Variants in SLC16A7 observed in about 807,000 individuals in gnomAD.
The protein encoded by SLC16A7 is solute carrier family 16 member 7, also known as monocarboxylate transporter 2.
Under a neutral mutation model 34.9 loss-of-function variants are expected in SLC16A7, and 33 were observed. That is an observed-to-expected ratio of 0.94 (90% confidence interval 0.72 to 1.26). SLC16A7 has a LOEUF of 1.26. SLC16A7 is among the 50% of genes most tolerant of loss of function. SLC16A7 has a pLI of 0.00. For synonymous variants in SLC16A7, 201 were observed against 206.6 expected (o/e 0.97, Z 0.23); for missense variants, 573 against 578.1 (o/e 0.99, Z 0.09).
At chr12:59,613,423 G>T (rs1879291923) in intron 1 of SLC16A7, among the ~76,000 whole-genome samples, 1 of 152,072 alleles carries the variant, frequency 6.6e-6, no homozygotes, top group East Asian at 1.9e-4. Flanking sequence ...ACCTCCCAAG[G>T]GCTCCATCTC....
intron 3 of SLC16A7, among the ~76,000 whole-genome samples, chr12:59,744,441 C>T (rs1878668743): frequency 2.6e-5 from 4 of 152,136 alleles, no homozygotes; most frequent in African/African-American, 4.8e-5. Context: ...AGCTTATCTT[C>T]CAGTTCCATT....
Position 59,787,131 on chromosome 12 carries a change from C to A in SLC16A7, c.*7452C>A, listed in dbSNP as rs546247357. 6.6e-6 allele frequency: 1 copy of A among 152,092 alleles called. No individual in the cohort carries two copies. Among genetic ancestry groups the A allele is most frequent in the East Asian group, 1.9e-4 (1 of 5,180 alleles). The allele number at this position is 152,092 out of a possible 1,614,324, so 9.4% of individuals were successfully genotyped here. On this transcript the variant is annotated 3_prime_UTR_variant, in exon 6 of 6. Coordinates refer to ENST00000547379, the MANE Select transcript of SLC16A7 (RefSeq NM_001270623.2). ...AAACATGTCAATATCTCATTAATTC[C>A]TTTTTTATTTTATGTTCCTTTTTAT... is the stretch of plus-strand genomic sequence containing the variant.
chr12:59,779,482 G>T lies in SLC16A7; in HGVS notation c.1240G>T (p.Val414Leu), dbSNP rs780021906. The T allele has an allele frequency of 2.5e-6, 4 of 1,611,258 alleles. No individual in the cohort carries two copies. ...CATGTACATGTCCTGTGGGGCTATT[G>T]TGGTAGCAGCAAGCGTGTGGCTGCT... is the stretch of plus-strand genomic sequence containing the variant. ...KYMYMSCGAIVVAASVWLLIG... is the reference protein window; with the variant it reads ...KYMYMSCGAILVAASVWLLIG... Residue 414 changes from valine to leucine, a missense_variant, in exon 6 of 6, where the codon GTG becomes TTG. Physicochemically the swap from Val to Leu is conservative, Grantham distance 32. Transcript: ENST00000547379.
rs142402708 is a variant in SLC16A7 at position 59,681,287 on chromosome 12, T to C, written c.-30-23485T>C. Among the ~76,000 whole-genome samples the C allele has an allele frequency of 3.9e-5, 6 of 152,346 alleles. 1 individual carries two copies. Among genetic ancestry groups the C allele is most frequent in the African/African-American group, 1.2e-4 (5 of 41,574 alleles). Reference sequence around the variant, plus strand: ...ACCATGTCATCCATCTTGTTTATTGTTTTACTCCCTCCTGGGCATCCATGC... The same window carrying C: ...ACCATGTCATCCATCTTGTTTATTGCTTTACTCCCTCCTGGGCATCCATGC... On this transcript the variant is annotated intron_variant, in intron 2 of 5. Coordinates refer to ENST00000547379, the MANE Select transcript of SLC16A7 (RefSeq NM_001270623.2).
chr12:59,770,830 A>C (rs964574136), intron 3 of SLC16A7, among the ~76,000 whole-genome samples: 1 of 152,180 alleles, frequency 6.6e-6, no homozygotes, highest in Non-Finnish European at 1.5e-5. Flanking sequence ...CTAGAAAATA[A>C]AATTTTAACA....
At chr12:59,758,610 G>T (rs988140658) in intron 3 of SLC16A7, among the ~76,000 whole-genome samples, 2 of 152,086 alleles carry the variant, frequency 1.3e-5, no homozygotes, top group African/African-American at 4.8e-5. Context: ...AGCAGAATGT[G>T]AATGGAATCA....
In SLC16A7 at chr12:59,780,759, A is replaced by G. The variant is rs114793860; in HGVS notation, c.*1080A>G. On this transcript the variant is annotated 3_prime_UTR_variant, in exon 6 of 6. Transcript: ENST00000547379. Reference sequence around the variant, plus strand: ...ATAGTGGTAATTGGAGGTTACTGTTATGAATACTCCATCTGACTACGACTA... The same window carrying G: ...ATAGTGGTAATTGGAGGTTACTGTTGTGAATACTCCATCTGACTACGACTA... The G allele has an allele frequency of 1.6e-4, 25 of 152,268 alleles. No homozygotes were observed. The highest frequency in any genetic ancestry group is 5.8e-4 in the African/African-American group (24 of 41,574). The allele number at this position is 152,268 out of a possible 1,614,324, so 9.4% of individuals were successfully genotyped here. A position where few individuals can be genotyped will look rare whatever the true frequency, so the allele number is the denominator to read the frequency against.
intron 5 of SLC16A7, among the ~76,000 whole-genome samples, chr12:59,776,490 C>T (rs959395442): frequency 1.3e-5 from 2 of 152,152 alleles, no homozygotes; most frequent in African/African-American, 4.8e-5. Context: ...TGGTTAATAC[C>T]GGACTTAAGT....
At chr12:59,722,428 C>T (rs970614774) in intron 3 of SLC16A7, among the ~76,000 whole-genome samples, 2 of 151,790 alleles carry the variant, frequency 1.3e-5, no homozygotes, top group Non-Finnish European at 3.0e-5. Context: ...CAATGAAATC[C>T]TGTCATAACC....
intron 3 of SLC16A7, among the ~76,000 whole-genome samples, chr12:59,714,333 T>C (rs1874620948): frequency 6.6e-6 from 1 of 152,220 alleles, no homozygotes; most frequent in Admixed American, 6.5e-5. Flanking sequence ...GCTACCATGT[T>C]AGTCTGCTCT....
chr12:59,670,411 T>C (rs199535648), intron 2 of SLC16A7, among the ~76,000 whole-genome samples: 1 of 140,618 alleles, frequency 7.1e-6, no homozygotes, highest in South Asian at 2.2e-4. Flanking sequence ...TGCCTTCCAA[T>C]CCACCCCCCC....
At chr12:59,754,185 C>G (rs913755315) in intron 3 of SLC16A7, among the ~76,000 whole-genome samples, 3 of 152,026 alleles carry the variant, frequency 2.0e-5, no homozygotes, top group African/African-American at 4.8e-5. Flanking sequence ...CCTAACATAT[C>G]AATTAAAAGA....
In SLC16A7 at chr12:59,617,269, G is replaced by A. The variant is rs146359107; in HGVS notation, c.-130+21033G>A. Among the ~76,000 whole-genome samples, 524 of 151,936 alleles carry A rather than the reference G, an allele frequency of 3.4e-3. 5 individuals carry two copies. Among genetic ancestry groups the A allele is most frequent in the African/African-American group, 0.012 (489 of 41,472 alleles). ...TTAAATATATGCACCCTTCTCATCC[G>A]TTTTATTAATATACTCATAAAATCC... On this transcript the variant is annotated intron_variant, in intron 1 of 5. Transcript: ENST00000547379.
intron 2 of SLC16A7, among the ~76,000 whole-genome samples, chr12:59,681,583 C>T (rs2137073985): frequency 6.6e-6 from 1 of 152,152 alleles, no homozygotes; most frequent in African/African-American, 2.4e-5. Flanking sequence ...TCCTGTTCAT[C>T]AGGAGATCCC....
At chr12:59,777,017 G>T (rs1882824627) in intron 5 of SLC16A7, among the ~76,000 whole-genome samples, 1 of 152,106 alleles carries the variant, frequency 6.6e-6, no homozygotes, top group South Asian at 2.1e-4. Context: ...AAGTTACCAT[G>T]CATGAGGGGA....
chr12:59,736,013 T>C lies in SLC16A7; in HGVS notation c.217+30995T>C, dbSNP rs1031247609. On this transcript the variant is annotated intron_variant, in intron 3 of 5. Coordinates refer to ENST00000547379, the MANE Select transcript of SLC16A7 (RefSeq NM_001270623.2). ...GGTAACAAGATTTTGGTAGAAACAT[T>C]ATTTTAATGTATGGTTTTAATAAGA... is the stretch of plus-strand genomic sequence containing the variant. The C allele has an allele frequency of 4.6e-6, 3 of 649,860 alleles. No individual in the cohort carries two copies. The Admixed American group carries it at 8.7e-5, about 19-fold the overall frequency. The allele number at this position is 649,860 out of a possible 1,614,324, so 40.3% of individuals were successfully genotyped here. A position where few individuals can be genotyped will look rare whatever the true frequency, so the allele number is the denominator to read the frequency against.
intron 2 of SLC16A7, among the ~76,000 whole-genome samples, chr12:59,695,448 A>C (rs762825136): frequency 1.4e-4 from 21 of 151,958 alleles, no homozygotes; most frequent in Non-Finnish European, 2.7e-4. Flanking sequence ...GGCCCAGGAG[A>C]CCCATTTAGT....
chr12:59,701,061 G>T (rs572997973), intron 2 of SLC16A7, among the ~76,000 whole-genome samples: 12 of 151,772 alleles, frequency 7.9e-5, no homozygotes, highest in Non-Finnish European at 1.3e-4. Flanking sequence ...TGTAATAAAA[G>T]ACATGTAATT....
At chr12:59,646,318 T>A (rs532013424) in intron 1 of SLC16A7, among the ~76,000 whole-genome samples, 14 of 152,284 alleles carry the variant, frequency 9.2e-5, no homozygotes, top group Admixed American at 3.3e-4. Flanking sequence ...CAAGACTGGA[T>A]GCTTTGTGTC....
Sources: gnomAD v4.1 joint callset for allele counts (sites outside exome capture counted in the v4.1 genomes callset) on GRCh38, gnomAD v4.1.1 for gene constraint, MANE v1.5 for transcripts, NCBI Gene and HGNC (gene_info 2026-07-23, HGNC 2026-07-21) for gene names.